COBL: variants seen among roughly 807,000 people sequenced by gnomAD.
The protein encoded by COBL is protein cordon-bleu.
Under a neutral mutation model 98.8 loss-of-function variants are expected in COBL, and 51 were observed. The observed-to-expected ratio is 0.52, with a 90% confidence interval of 0.41 to 0.65. The LOEUF (loss-of-function observed/expected upper bound fraction) is 0.65, where lower values mean the gene tolerates loss of function less well. Ranked by LOEUF, COBL falls within the 30% of genes least tolerant of loss-of-function variation. COBL has a pLI of 0.00. For missense variants in COBL, 1,617 were observed against 1,617.5 expected (o/e 1.00, Z 0.01); for synonymous variants, 634 against 651.7 (o/e 0.97, Z 0.41).
At chr7:51,123,318 T>C (rs967640243) in intron 6 of COBL, among the ~76,000 whole-genome samples, 1 of 152,188 alleles carries the variant, frequency 6.6e-6, no homozygotes, top group Non-Finnish European at 1.5e-5. Flanking sequence ...CTTGAGTTTA[T>C]GTATATTTGG....
rs115293407 is a variant in COBL at position 51,148,305 on chromosome 7, T to C, written c.784-11974A>G. On this transcript the variant is annotated intron_variant, in intron 5 of 12. Coordinates refer to ENST00000265136, the MANE Select transcript of COBL (RefSeq NM_015198.5). Reference sequence around the variant, plus strand: ...TTTCCCCTCATCTTCCCTCGCTTTGTCTTTCTCTCACAGCTCACGCTCCAC... The same window carrying C: ...TTTCCCCTCATCTTCCCTCGCTTTGCCTTTCTCTCACAGCTCACGCTCCAC... Among the ~76,000 whole-genome samples, 1,106 of 152,296 alleles carry C rather than the reference T, an allele frequency of 7.3e-3. 13 individuals are homozygous for C. The highest frequency in any genetic ancestry group is 0.026 in the African/African-American group (1,074 of 41,560).
At chr7:51,226,812 C>A (rs1794240209) in intron 1 of COBL, among the ~76,000 whole-genome samples, 2 of 152,170 alleles carry the variant, frequency 1.3e-5, no homozygotes, top group African/African-American at 4.8e-5. Context: ...TCTAAACATG[C>A]CATGATCCAG....
At chr7:51,117,382 C>A (rs4948193) in intron 6 of COBL, among the ~76,000 whole-genome samples, 59,725 of 151,480 alleles carry the variant, frequency 0.39, 11,897 homozygotes, top group East Asian at 0.56. Context: ...TGGGGATCTA[C>A]TTTTTTTTCC....
intron 1 of COBL, among the ~76,000 whole-genome samples, chr7:51,273,327 C>CAAAAAAAAAAAAAAAAAA (rs953811880): frequency 1.7e-5 from 1 of 59,482 alleles, no homozygotes; most frequent in Non-Finnish European, 3.9e-5. Context: ...GACTCCATCT[C>CAAAAAAAAAAAAAAAAAA]AAAAAAAAAA....
intron 1 of COBL, among the ~76,000 whole-genome samples, chr7:51,221,251 C>T (rs1051817472): frequency 2.0e-5 from 3 of 152,160 alleles, no homozygotes; most frequent in Non-Finnish European, 4.4e-5. Context: ...CACACCTTCA[C>T]CTCTGCTCAG....
intron 12 of COBL, among the ~76,000 whole-genome samples, chr7:51,018,835 G>C (rs1354756146): frequency 7.2e-6 from 1 of 138,250 alleles, no homozygotes; most frequent in Non-Finnish European, 1.5e-5. Context: ...GAGGTTGCAT[G>C]AGCTGAGATC....
At chr7:51,168,595 T>C (rs1378874710) in intron 5 of COBL, among the ~76,000 whole-genome samples, 1 of 152,160 alleles carries the variant, frequency 6.6e-6, no homozygotes, top group Non-Finnish European at 1.5e-5. Context: ...TAAAATGGCT[T>C]ATATCCAAAA....
At chr7:51,165,400 T>C (rs1441940044) in intron 5 of COBL, among the ~76,000 whole-genome samples, 11 of 152,074 alleles carry the variant, frequency 7.2e-5, no homozygotes, top group African/African-American at 2.4e-4. Context: ...AAGGGGTTAA[T>C]TCAGCAAGAG....
chr7:51,266,254 C>G (rs1436981323), intron 1 of COBL, among the ~76,000 whole-genome samples: 1 of 152,212 alleles, frequency 6.6e-6, no homozygotes, highest in Non-Finnish European at 1.5e-5. Context: ...CTGTCATTAA[C>G]TTAATTTCTG....
intron 1 of COBL, among the ~76,000 whole-genome samples, chr7:51,262,886 G>A (rs1043231203): frequency 6.6e-6 from 1 of 152,112 alleles, no homozygotes; most frequent in Non-Finnish European, 1.5e-5. Flanking sequence ...GAGGCATTGA[G>A]ACCCAACTTG....
At chr7:51,302,581 CAAAAAAAA>C in intron 1 of COBL, among the ~76,000 whole-genome samples, 1 of 66,588 alleles carries the variant, frequency 1.5e-5, no homozygotes, top group Middle Eastern at 0.011. Flanking sequence ...AACTCCGTCT[CAAAAAAAA>C]AAAAAAAAAA....
At chr7:51,185,433 C>A (rs1420912724) in intron 4 of COBL, among the ~76,000 whole-genome samples, 1 of 152,182 alleles carries the variant, frequency 6.6e-6, no homozygotes, top group Non-Finnish European at 1.5e-5. Flanking sequence ...TTAGCTCCTC[C>A]AAGCCTCAGC....
intron 1 of COBL, among the ~76,000 whole-genome samples, chr7:51,294,329 T>A (rs7458871): frequency 8.1e-5 from 9 of 111,580 alleles, no homozygotes; most frequent in East Asian, 7.1e-4. Flanking sequence ...AATAAATAAA[T>A]AAAAATAAAT....
At chr7:51,158,387 G>A (rs1249817273) in intron 5 of COBL, among the ~76,000 whole-genome samples, 2 of 152,184 alleles carry the variant, frequency 1.3e-5, no homozygotes, top group African/African-American at 4.8e-5. Flanking sequence ...GGTCGGGGAG[G>A]AGCCTCCTCA....
rs61737866 is a variant in COBL, at chr7:51,029,295, G to A, written c.1801C>T (p.His601Tyr). 7,558 of 1,604,166 alleles carry A rather than the reference G, an allele frequency of 4.7e-3. 320 individuals carry two copies. The African/African-American group carries it at 0.088, about 19-fold the overall frequency. The change falls in exon 10 of 13, where the codon CAC (histidine) becomes TAC (tyrosine). Residue 601 changes from histidine (H) to tyrosine (Y), a missense_variant. His to Tyr is a moderately conservative substitution (Grantham distance 83). This residue lies in a region of COBL where 1,304 missense variants were observed against 1,282.0 expected (regional missense o/e 1.02). Coordinates refer to ENST00000265136, the MANE Select transcript of COBL (RefSeq NM_015198.5). ...EKAREEVPALHPASHDVGKGI... is the reference protein window; with the variant it reads ...EKAREEVPALYPASHDVGKGI... Reference sequence around the variant, plus strand: ...TTTCCGACGTCATGGGAAGCGGGGTGCAGGGCAGGTACTTCCTCCCTTGCC... The same window carrying A: ...TTTCCGACGTCATGGGAAGCGGGGTACAGGGCAGGTACTTCCTCCCTTGCC...
rs118002000 is a variant in COBL, at chr7:51,259,896, G to A, written c.42-39952C>T. ...CTCATGTCATTAATCCTTTCAATGC[G>A]TACAATAAAGGCCAAGGAATGTTAT... On this transcript the variant is annotated intron_variant, in intron 1 of 12. Transcript: ENST00000265136. 1,856 of 756,574 alleles carry A rather than the reference G, an allele frequency of 2.5e-3. 3 individuals carry two copies. The highest frequency in any genetic ancestry group is 3.3e-3 in the Non-Finnish European group (1,389 of 415,420). The allele number at this position is 756,574 out of a possible 1,614,324, so 46.9% of individuals were successfully genotyped here. A position where few individuals can be genotyped will look rare whatever the true frequency, so the allele number is the denominator to read the frequency against.
At chr7:51,085,955 T>TC (rs2128941325) in intron 6 of COBL, among the ~76,000 whole-genome samples, 1 of 152,312 alleles carries the variant, frequency 6.6e-6, no homozygotes, top group East Asian at 1.9e-4. Context: ...CTCACAGCTT[T>TC]CAACAGTGAA....
intron 1 of COBL, among the ~76,000 whole-genome samples, chr7:51,274,828 T>A (rs530372001): frequency 6.6e-6 from 1 of 152,252 alleles, no homozygotes; most frequent in Non-Finnish European, 1.5e-5. Context: ...AAATATAAGA[T>A]AGAAGATCAG....
intron 7 of COBL, among the ~76,000 whole-genome samples, chr7:51,053,259 T>C (rs1048187816): frequency 2.0e-5 from 3 of 152,194 alleles, no homozygotes; most frequent in Non-Finnish European, 4.4e-5. Context: ...TTCACTGTGA[T>C]TTAAATAAGA....
Sources: allele counts gnomAD v4.1 joint callset (sites outside exome capture counted in the v4.1 genomes callset), GRCh38; gene constraint gnomAD v4.1.1; regional missense constraint gnomAD v4.1.1; transcripts MANE v1.5; gene names NCBI Gene and HGNC (gene_info 2026-07-23, HGNC 2026-07-21).